Variants in HEXB observed in about 807,000 individuals in gnomAD.
HEXB encodes hexosaminidase subunit beta.
A neutral mutation model predicts 71.2 loss-of-function variants in HEXB; 51 were observed. That is an observed-to-expected ratio of 0.72 (90% CI 0.57 to 0.90). The LOEUF (loss-of-function observed/expected upper bound fraction) is 0.90, where lower values mean the gene tolerates loss of function less well. Among genes scored for constraint, HEXB ranks in the 40% least tolerant of loss-of-function variants. The probability of loss-of-function intolerance (pLI) is 0.00; values close to 1 mark genes in which losing one functional copy is unlikely to be tolerated. For synonymous variants in HEXB, 266 were observed against 249.3 expected (o/e 1.07, Z -0.63); for missense variants, 617 against 677.0 (o/e 0.91, Z 0.98).
At chr5:74,668,181 C>T (rs1748468766) in intron 1 of HEXB, among the ~76,000 whole-genome samples, 1 of 151,460 alleles carries the variant, frequency 6.6e-6, no homozygotes, top group African/African-American at 2.4e-5. Context: ...TACGCCTCTT[C>T]CAGCAGCTAG....
intron 3 of HEXB, among the ~76,000 whole-genome samples, chr5:74,695,839 T>TAAA (rs34022383): frequency 1.5e-5 from 2 of 132,924 alleles, no homozygotes. Flanking sequence ...AGACTCCGTC[T>TAAA]AAAAAAAAAA....
intron 1 of HEXB, among the ~76,000 whole-genome samples, chr5:74,653,233 T>C (rs1262552566): frequency 6.6e-6 from 1 of 152,212 alleles, no homozygotes; most frequent in East Asian, 1.9e-4. Flanking sequence ...CGTCAATAAT[T>C]TTTTAAAGTA....
chr5:74,669,234 A>AT (rs2112099682), intron 1 of HEXB, among the ~76,000 whole-genome samples: 1 of 152,252 alleles, frequency 6.6e-6, no homozygotes, highest in South Asian at 2.1e-4. Flanking sequence ...TTGCCATGGT[A>AT]TTTTTTAAAG....
At chr5:74,692,743 C>T (rs1031084860) in intron 2 of HEXB, among the ~76,000 whole-genome samples, 1 of 152,216 alleles carries the variant, frequency 6.6e-6, no homozygotes, top group Non-Finnish European at 1.5e-5. Context: ...CCCCAGAGGA[C>T]ACAGTATTAA....
chr5:74,646,610 C>G (rs1312642492), intron 1 of HEXB, among the ~76,000 whole-genome samples: 1 of 151,596 alleles, frequency 6.6e-6, no homozygotes, highest in African/African-American at 2.4e-5. Flanking sequence ...CTCTGTCACC[C>G]AGGCTGGAGT....
intron 1 of HEXB, among the ~76,000 whole-genome samples, chr5:74,671,558 A>G (rs963672237): frequency 6.6e-6 from 1 of 152,104 alleles, no homozygotes; most frequent in Non-Finnish European, 1.5e-5. Flanking sequence ...AAGCGGGGAG[A>G]TTGCAAAAGG....
chr5:74,719,672 G>C (rs1419451104), intron 11 of HEXB, among the ~76,000 whole-genome samples: 2 of 152,138 alleles, frequency 1.3e-5, no homozygotes, highest in Non-Finnish European at 2.9e-5. Flanking sequence ...GGCTGGGCAC[G>C]GTGGCTGACG....
intron 5 of HEXB, 119 bp downstream of exon 5, chr5:74,697,225 C>A: frequency 1.5e-6 from 1 of 681,928 alleles, no homozygotes; most frequent in Non-Finnish European, 2.7e-6. Context: ...AAGCACTGGG[C>A]ATTCTTTCCT....
intron 2 of HEXB, 176 bp from the exon 3 acceptor site, chr5:74,693,463 T>A: frequency 1.5e-6 from 1 of 666,348 alleles, no homozygotes; most frequent in Non-Finnish European, 2.7e-6. Flanking sequence ...GCATGTGGAG[T>A]CGAAGGAACC....
chr5:74,650,175 T>A (rs947426415), intron 1 of HEXB, among the ~76,000 whole-genome samples: 2 of 152,260 alleles, frequency 1.3e-5, no homozygotes, highest in South Asian at 4.1e-4. Flanking sequence ...CAAAGCATGC[T>A]GTCAGTGAGC....
intron 5 of HEXB, 42 bp downstream of exon 5, chr5:74,697,148 A>G: frequency 1.1e-6 from 1 of 940,984 alleles, no homozygotes. Context: ...TATTCTGAAG[A>G]TGTCTCCTTT....
At chr5:74,685,706 C>G in intron 1 of HEXB, 147 bp downstream of exon 1, 1 of 681,914 alleles carries the variant, frequency 1.5e-6, no homozygotes, top group Non-Finnish European at 2.3e-6. Flanking sequence ...GCCACATGGA[C>G]TGAACCCACG....
At chr5:74,708,119 C>G (rs1438009594) in intron 6 of HEXB, among the ~76,000 whole-genome samples, 11 of 151,580 alleles carry the variant, frequency 7.3e-5, no homozygotes, top group Admixed American at 2.0e-4. Flanking sequence ...AGCCAGAAGA[C>G]AGTGGGGGCC....
rs1468479103 is a variant in HEXB at position 74,691,685 on chromosome 5, C to T, written c.446-1954C>T. 3.3e-5 allele frequency among the ~76,000 whole-genome samples: 5 copies of T among 152,064 alleles called. No homozygotes were observed. The East Asian group carries it at 5.8e-4, about 18-fold the overall frequency. On this transcript the variant is annotated intron_variant, in intron 2 of 13. Transcript: ENST00000261416. ...TCTATGTCAAGCCTAAGAAAATGCC[C>T]GATAAGTATTTCCTCTGAGGAAGGT...
At chr5:74,654,650 AG>A (rs1163248269) in intron 1 of HEXB, among the ~76,000 whole-genome samples, 1 of 152,122 alleles carries the variant, frequency 6.6e-6, no homozygotes, top group Non-Finnish European at 1.5e-5. Context: ...GTGGATCTAG[AG>A]GGGGAAACGA....
intron 5 of HEXB, among the ~76,000 whole-genome samples, chr5:74,702,067 CTTTTTTTTT>C (rs60295789): frequency 1.5e-4 from 9 of 60,554 alleles, no homozygotes; most frequent in African/African-American, 6.0e-4. Context: ...CTTTCCTTGT[CTTTTTTTTT>C]TTTTTTTTTT....
At chr5:74,665,486 C>A (rs1748416797) in intron 1 of HEXB, among the ~76,000 whole-genome samples, 1 of 152,026 alleles carries the variant, frequency 6.6e-6, no homozygotes, top group Admixed American at 6.5e-5. Flanking sequence ...GTGTTCTAGG[C>A]ATCTCCCATG....
At chr5:74,646,437 C>G (rs1209127708) in intron 1 of HEXB, among the ~76,000 whole-genome samples, 1 of 152,152 alleles carries the variant, frequency 6.6e-6, no homozygotes, top group Non-Finnish European at 1.5e-5. Flanking sequence ...ACCCAAAAAG[C>G]AGACAGCTTT....
chr5:74,650,489 G>C (rs750811012), intron 1 of HEXB, among the ~76,000 whole-genome samples: 4 of 152,180 alleles, frequency 2.6e-5, no homozygotes, highest in Non-Finnish European at 4.4e-5. Flanking sequence ...AATAGCAACT[G>C]TTTCATGGCC....
Sources: allele counts gnomAD v4.1 joint callset (sites outside exome capture counted in the v4.1 genomes callset), GRCh38; gene constraint gnomAD v4.1.1; transcripts MANE v1.5; gene names NCBI Gene and HGNC (gene_info 2026-07-23, HGNC 2026-07-21).